Variants in CATSPERE observed in about 807,000 individuals in gnomAD.
CATSPERE encodes catsper channel auxiliary subunit epsilon, also known as cation channel sperm-associated auxiliary subunit epsilon.
In CATSPERE, 93 loss-of-function variants were observed where a neutral mutation model predicts 114.1. The observed-to-expected ratio is 0.81, with a 90% CI of 0.69 to 0.97. The LOEUF is 0.97. Ranked by LOEUF, CATSPERE falls within the 50% of genes least tolerant of loss-of-function variation. The pLI is 0.00. For synonymous variants in CATSPERE, 341 were observed against 384.1 expected (o/e 0.89, Z 1.31); for missense variants, 1,058 against 1,131.6 (o/e 0.93, Z 0.93).
intron 20 of CATSPERE, among the ~76,000 whole-genome samples, chr1:244,619,816 A>C (rs1174072188): frequency 6.6e-6 from 1 of 152,198 alleles, no homozygotes; most frequent in Non-Finnish European, 1.5e-5. Context: ...ATGAGGTATA[A>C]TCCATAAGGA....
intron 9 of CATSPERE, among the ~76,000 whole-genome samples, chr1:244,557,212 G>A (rs1040412686): frequency 6.6e-6 from 1 of 151,676 alleles, no homozygotes; most frequent in Non-Finnish European, 1.5e-5. Context: ...GGTCTTTCAT[G>A]GTTCCATATG....
intron 8 of CATSPERE, among the ~76,000 whole-genome samples, chr1:244,545,775 T>C (rs1659657413): frequency 6.6e-6 from 1 of 152,178 alleles, no homozygotes. Context: ...CATTATCAGA[T>C]TGAAGTGGTA....
At chr1:244,480,742 C>T (rs1572303890) in intron 5 of CATSPERE, among the ~76,000 whole-genome samples, 2 of 144,972 alleles carry the variant, frequency 1.4e-5, no homozygotes, top group Non-Finnish European at 3.1e-5. Flanking sequence ...GATTGTAAGT[C>T]CTAATAATAC....
intron 8 of CATSPERE, among the ~76,000 whole-genome samples, chr1:244,532,437 G>C (rs910474049): frequency 2.3e-4 from 35 of 151,928 alleles, no homozygotes; most frequent in African/African-American, 8.5e-4. Flanking sequence ...TTTTGTTATA[G>C]GCACTTATAG....
Position 244,617,614 on chromosome 1 carries a change from AC to A in CATSPERE, c.2578del (p.His860IlefsTer16), listed in dbSNP as rs1671561698. On this transcript the variant is annotated frameshift_variant, in exon 20 of 22. Coordinates refer to ENST00000366534, the MANE Select transcript of CATSPERE (RefSeq NM_001130957.2). LOFTEE classifies it high-confidence loss of function. ...GAGATTATCAACAGTTCTAATGGTA[AC>A]CATATATTTTGGCCCATGGGCCATT... ...PYEIINSSNG[N>X]HIFWPMGHSG... The A allele has an allele frequency of 1.3e-6, 2 of 1,544,130 alleles. No individual in the cohort carries two copies. Among genetic ancestry groups the A allele is most frequent in the East Asian group, 4.9e-5 (2 of 40,590 alleles).
At chr1:244,468,599 T>C (rs1258073824) in intron 2 of CATSPERE, among the ~76,000 whole-genome samples, 1 of 152,056 alleles carries the variant, frequency 6.6e-6, no homozygotes. Flanking sequence ...CCAATGATAT[T>C]GCAGCTGATT....
chr1:244,493,171 C>A (rs1672510509), intron 6 of CATSPERE, among the ~76,000 whole-genome samples: 1 of 152,294 alleles, frequency 6.6e-6, no homozygotes, highest in Middle Eastern at 3.4e-3. Flanking sequence ...AAGCTGGAGG[C>A]ATCATGCTAC....
chr1:244,639,390 A>G (rs892464826), intron 21 of CATSPERE, among the ~76,000 whole-genome samples: 2 of 152,250 alleles, frequency 1.3e-5, no homozygotes, highest in Non-Finnish European at 1.5e-5. Flanking sequence ...CGGCTCCCAC[A>G]GAACTTCATT....
chr1:244,453,590 A>C (rs1665835912), upstream of CATSPERE, among the ~76,000 whole-genome samples: 1 of 152,190 alleles, frequency 6.6e-6, no homozygotes, highest in Non-Finnish European at 1.5e-5. Flanking sequence ...AAGCCTGCCC[A>C]AGCGGCCACC....
At chr1:244,583,765 C>G (rs2148619638) in intron 12 of CATSPERE, 99 bp from the exon 13 acceptor site, 1 of 1,057,434 alleles carries the variant, frequency 9.5e-7, no homozygotes, top group Non-Finnish European at 1.4e-6. Flanking sequence ...GGAGGTCAAT[C>G]ACACCGTGCA....
intron 18 of CATSPERE, among the ~76,000 whole-genome samples, chr1:244,608,064 G>A (rs1037533389): frequency 4.6e-5 from 7 of 152,050 alleles, no homozygotes; most frequent in African/African-American, 1.4e-4. Context: ...CTGAGATCGC[G>A]CCACTGCCCT....
At chr1:244,593,340 T>G in intron 15 of CATSPERE, 55 bp from the exon 16 acceptor site, 2 of 1,576,766 alleles carry the variant, frequency 1.3e-6, no homozygotes, top group Non-Finnish European at 1.7e-6. Flanking sequence ...GTCATGGGTT[T>G]AGTTTTAAGT....
chr1:244,500,063 T>C (rs1445032042), intron 7 of CATSPERE, among the ~76,000 whole-genome samples: 1 of 152,242 alleles, frequency 6.6e-6, no homozygotes, highest in East Asian at 1.9e-4. Flanking sequence ...TAGTATCTCA[T>C]TATGGATTTG....
chr1:244,452,005 G>A (rs928037740), upstream of CATSPERE: 2 of 558,002 alleles, frequency 3.6e-6, no homozygotes, highest in Non-Finnish European at 2.9e-6. Context: ...CCGCTCAAGG[G>A]GGTACCATGA....
chr1:244,496,192 A>T lies in CATSPERE; in HGVS notation c.352-2810A>T, dbSNP rs3006023. Among the ~76,000 whole-genome samples the T allele has an allele frequency of 4.7e-3, 714 of 152,358 alleles. 9 individuals carry two copies. The highest frequency in any genetic ancestry group is 0.016 in the African/African-American group (678 of 41,582). ...CAATTAAGACCTCCAGGCAGATAGT[A>T]AAGGACACAAAACACCTTTACTCCT... On this transcript the variant is annotated intron_variant, in intron 6 of 21. Coordinates refer to ENST00000366534, the MANE Select transcript of CATSPERE (RefSeq NM_001130957.2).
rs2148589807 is a variant in CATSPERE, at chr1:244,575,923, A to G, written c.1950+3151A>G. ...TTTAACCTCTAAGACACCCTAAGAA[A>G]TACTTCACCGCCTCCCATGGCTTTT... is the stretch of plus-strand genomic sequence containing the variant. On this transcript the variant is annotated intron_variant, in intron 11 of 21. Coordinates refer to ENST00000366534, the MANE Select transcript of CATSPERE (RefSeq NM_001130957.2). This position sits in a 1 kb window ranked among gnomAD's most constrained non-coding sequence, Gnocchi z 4.5. Among the ~76,000 whole-genome samples, 1 of 152,134 alleles carries G rather than the reference A, an allele frequency of 6.6e-6. No individual in the cohort carries two copies. The highest frequency in any genetic ancestry group is 6.5e-5 in the Admixed American group (1 of 15,284).
intron 13 of CATSPERE, among the ~76,000 whole-genome samples, chr1:244,586,667 C>G (rs527479895): frequency 6.6e-6 from 1 of 152,306 alleles, no homozygotes; most frequent in Admixed American, 6.5e-5. Flanking sequence ...CGTCCTATCC[C>G]CACCCTCCTG....
At chr1:244,560,639 C>A in intron 9 of CATSPERE, 29 bp from the exon 10 acceptor site, 1 of 1,303,692 alleles carries the variant, frequency 7.7e-7, no homozygotes, top group Non-Finnish European at 1.0e-6. Context: ...AATCGAAGAT[C>A]TTTCTCATCA....
At chr1:244,584,712 C>T (rs751152786) in intron 13 of CATSPERE, among the ~76,000 whole-genome samples, 2 of 152,008 alleles carry the variant, frequency 1.3e-5, no homozygotes, top group South Asian at 2.1e-4. Flanking sequence ...GAATACAAAG[C>T]GAAATAGGAC....
Sources: gnomAD v4.1 joint callset for allele counts (sites outside exome capture counted in the v4.1 genomes callset) on GRCh38, gnomAD v4.1.1 for gene constraint, Gnocchi (gnomAD v3.1) non-coding constraint, MANE v1.5 for transcripts, NCBI Gene and HGNC (gene_info 2026-07-23, HGNC 2026-07-21) for gene names.